Variants in SAMD13 observed in about 807,000 individuals in gnomAD.
SAMD13 encodes sterile alpha motif domain containing 13, also known as sterile alpha motif domain-containing protein 13.
A neutral mutation model predicts 12.4 loss-of-function variants in SAMD13; 9 were observed. The ratio of observed to expected loss-of-function variants is 0.72; its 90% CI spans 0.44 to 1.26. The LOEUF (loss-of-function observed/expected upper bound fraction) is 1.26. Ranked by LOEUF, SAMD13 falls within the 50% of genes most tolerant of loss-of-function variation. The probability of loss-of-function intolerance (pLI) is 0.00; values close to 1 mark genes in which losing one functional copy is unlikely to be tolerated. For synonymous variants in SAMD13, 46 were observed against 45.4 expected (o/e 1.01, Z -0.05); for missense variants, 84 against 119.6 (o/e 0.70, Z 1.39).
At chr1:84,329,872 G>A (rs148570092) in intron 3 of SAMD13, among the ~76,000 whole-genome samples, 34 of 152,322 alleles carry the variant, frequency 2.2e-4, no homozygotes, top group Non-Finnish European at 4.3e-4. Context: ...CATGTGGTCT[G>A]TGTCATCAGG....
At chr1:84,323,622 C>T (rs1393776835) in intron 2 of SAMD13, among the ~76,000 whole-genome samples, 1 of 152,106 alleles carries the variant, frequency 6.6e-6, no homozygotes, top group Non-Finnish European at 1.5e-5. Flanking sequence ...TTTCTTAAAT[C>T]AAATATTTTA....
chr1:84,317,351 T>C (rs952268144), intron 2 of SAMD13, among the ~76,000 whole-genome samples: 1 of 152,140 alleles, frequency 6.6e-6, no homozygotes, highest in Non-Finnish European at 1.5e-5. Context: ...TTTTCATAGA[T>C]AGCCTTTATT....
chr1:84,303,016 A>G lies in SAMD13; in HGVS notation c.-32-187A>G, dbSNP rs1023573203. On this transcript the variant is annotated intron_variant, in intron 1 of 3. Coordinates refer to ENST00000394834, the MANE Select transcript of SAMD13 (RefSeq NM_001134663.2). Reference sequence around the variant, plus strand: ...TGCCAGTACAGATGAAAGCACCCCAATCCGTCTCCTCCAGTTCTTTAGGTT... The same window carrying G: ...TGCCAGTACAGATGAAAGCACCCCAGTCCGTCTCCTCCAGTTCTTTAGGTT... 3.8e-5 allele frequency: 19 copies of G among 504,900 alleles called. No individual in the cohort carries two copies. The East Asian group carries it at 5.9e-4, about 16-fold the overall frequency. The allele number at this position is 504,900 out of a possible 1,614,324, so 31.3% of individuals were successfully genotyped here.
intron 3 of SAMD13, among the ~76,000 whole-genome samples, chr1:84,347,675 C>T (rs923776620): frequency 1.3e-4 from 20 of 152,084 alleles, no homozygotes; most frequent in African/African-American, 4.6e-4. Flanking sequence ...TAAAACATTC[C>T]GAGCCTGTGT....
intron 3 of SAMD13, among the ~76,000 whole-genome samples, chr1:84,329,310 C>T (rs1195561369): frequency 1.3e-5 from 2 of 152,140 alleles, no homozygotes; most frequent in African/African-American, 4.8e-5. Context: ...GTTGTTTATG[C>T]TGCCCAATCT....
intron 3 of SAMD13, among the ~76,000 whole-genome samples, chr1:84,347,275 T>A (rs772077830): frequency 1.3e-5 from 2 of 152,224 alleles, no homozygotes; most frequent in Non-Finnish European, 1.5e-5. Flanking sequence ...ACTATATTTA[T>A]TTCAACATTT....
chr1:84,328,509 A>T (rs2101807185), intron 3 of SAMD13, among the ~76,000 whole-genome samples: 1 of 152,262 alleles, frequency 6.6e-6, no homozygotes, highest in South Asian at 2.1e-4. Flanking sequence ...TGATTCAAAT[A>T]TCGTTTCTCC....
intron 2 of SAMD13, among the ~76,000 whole-genome samples, chr1:84,324,900 G>T (rs1005159215): frequency 3.9e-5 from 6 of 152,048 alleles, no homozygotes; most frequent in Admixed American, 2.0e-4. Flanking sequence ...TTATTTATTT[G>T]AACAATATGG....
chr1:84,345,808 G>A (rs971010587), intron 3 of SAMD13, among the ~76,000 whole-genome samples: 1 of 152,164 alleles, frequency 6.6e-6, no homozygotes, highest in African/African-American at 2.4e-5. Context: ...TGCTGGCAGA[G>A]AGAATGAGTG....
intron 3 of SAMD13, among the ~76,000 whole-genome samples, chr1:84,331,143 TA>T (rs1679172299): frequency 6.6e-6 from 1 of 151,934 alleles, no homozygotes; most frequent in Admixed American, 6.6e-5. Context: ...CAAGTAATAC[TA>T]ACTACCTCAA....
At chr1:84,309,054 AAC>A (rs1410126055) in intron 2 of SAMD13, among the ~76,000 whole-genome samples, 2 of 152,206 alleles carry the variant, frequency 1.3e-5, no homozygotes, top group Non-Finnish European at 2.9e-5. Flanking sequence ...ATCAAAAGGA[AAC>A]AGTTATAAAT....
intron 2 of SAMD13, among the ~76,000 whole-genome samples, chr1:84,314,101 T>C (rs1189021467): frequency 1.3e-5 from 2 of 152,184 alleles, no homozygotes; most frequent in Non-Finnish European, 2.9e-5. Context: ...TTCAAAACTC[T>C]GACTTTATTG....
chr1:84,333,736 T>C (rs950789497), intron 3 of SAMD13, among the ~76,000 whole-genome samples: 4 of 152,092 alleles, frequency 2.6e-5, no homozygotes, highest in Non-Finnish European at 4.4e-5. Flanking sequence ...CTTTGATGCC[T>C]AGTTTGTTAA....
chr1:84,299,039 C>T (rs1000451446), upstream of SAMD13, among the ~76,000 whole-genome samples: 1 of 152,158 alleles, frequency 6.6e-6, no homozygotes, highest in Non-Finnish European at 1.5e-5. Context: ...GTCCAAGAGG[C>T]AGCCTGGCGT....
chr1:84,298,636 G>A, upstream of SAMD13: 1 of 1,245,422 alleles, frequency 8.0e-7, no homozygotes, highest in Non-Finnish European at 1.0e-6. Context: ...AGGATGAAAG[G>A]AAACGAAGAA....
At chr1:84,316,615 A>G (rs956149130) in intron 2 of SAMD13, among the ~76,000 whole-genome samples, 3 of 152,084 alleles carry the variant, frequency 2.0e-5, no homozygotes, top group Admixed American at 1.3e-4. Context: ...TGTTTAAATT[A>G]CTGTTACTTT....
At chr1:84,343,155 T>C (rs761525515) in intron 3 of SAMD13, among the ~76,000 whole-genome samples, 7 of 152,180 alleles carry the variant, frequency 4.6e-5, no homozygotes, top group Non-Finnish European at 7.3e-5. Context: ...CACAATGAGA[T>C]ACCATCTTAC....
intron 3 of SAMD13, among the ~76,000 whole-genome samples, chr1:84,334,424 G>A (rs924198250): frequency 1.1e-4 from 16 of 152,010 alleles, no homozygotes; most frequent in South Asian, 2.1e-4. Context: ...ATTTCTGATC[G>A]TATTTATTTG....
intron 3 of SAMD13, chr1:84,345,080 C>A (rs1436126882): frequency 4.4e-6 from 2 of 456,602 alleles, no homozygotes; most frequent in Middle Eastern, 3.3e-4. Flanking sequence ...TATCTCTGGG[C>A]TCCAGAGCAA....
Sources: gnomAD v4.1 joint callset for allele counts (sites outside exome capture counted in the v4.1 genomes callset) on GRCh38, gnomAD v4.1.1 for gene constraint, MANE v1.5 for transcripts, NCBI Gene and HGNC (gene_info 2026-07-23, HGNC 2026-07-21) for gene names.